The following GTF2A1 variants were observed in gnomAD, a reference collection of about 807,000 sequenced individuals.
The protein encoded by GTF2A1 is transcription initiation factor IIA subunit 1.
A neutral mutation model predicts 54.1 loss-of-function variants in GTF2A1; 12 were observed. That is an observed-to-expected ratio of 0.22 (90% CI 0.14 to 0.36). The LOEUF (loss-of-function observed/expected upper bound fraction) is 0.36. Ranked by LOEUF, GTF2A1 falls within the 10% of genes least tolerant of loss-of-function variation. GTF2A1 has a pLI of 1.00. For missense variants in GTF2A1, 335 were observed against 442.2 expected, an observed-to-expected ratio of 0.76 and a Z score of 2.17; for synonymous variants, 145 against 152.0, an observed-to-expected ratio of 0.95 and a Z score of 0.34.
intron 5 of GTF2A1, 132 bp from the exon 6 acceptor site, chr14:81,196,373 T>C (rs750029500): frequency 2.3e-6 from 2 of 886,928 alleles, no homozygotes; most frequent in Non-Finnish European, 3.5e-6. Context: ...TTATTAAAGG[T>C]TGTCATTCAT....
At chr14:81,180,982 T>G (rs1423456442) in intron 8 of GTF2A1, among the ~76,000 whole-genome samples, 3 of 152,218 alleles carry the variant, frequency 2.0e-5, no homozygotes, top group Non-Finnish European at 1.5e-5. Context: ...AAACTCCTTA[T>G]AGAGTTCTCA....
rs1413988056 is a variant in GTF2A1, at chr14:81,178,890, C to T, written c.*1333G>A. On this transcript the variant is annotated 3_prime_UTR_variant, in exon 9 of 9. Transcript: ENST00000553612. ...GCAGTTCTCCCAGGCAGTGAATTCA[C>T]ACTGAACACAGCAGTGCCATATTGT... 3 of 152,238 alleles carry T rather than the reference C, an allele frequency of 2.0e-5. 1 individual carries two copies. The East Asian group carries it at 5.8e-4, about 29-fold the overall frequency. The allele number at this position is 152,238 out of a possible 1,614,324, so 9.4% of individuals were successfully genotyped here. A position where few individuals can be genotyped will look rare whatever the true frequency, so the allele number is the denominator to read the frequency against.
intron 2 of GTF2A1, among the ~76,000 whole-genome samples, chr14:81,208,181 CA>C (rs746911641): frequency 5.9e-5 from 9 of 152,162 alleles, no homozygotes; most frequent in Non-Finnish European, 8.8e-5. Flanking sequence ...AAAGTGGTTT[CA>C]GGGGCCAGGC....
intron 2 of GTF2A1, among the ~76,000 whole-genome samples, chr14:81,207,383 C>A (rs188231166): frequency 1.9e-4 from 29 of 152,088 alleles, no homozygotes; most frequent in African/African-American, 5.3e-4. Flanking sequence ...GCTGCCAACA[C>A]GTAAGAAGAG....
chr14:81,205,919 T>A (rs1893219147), intron 2 of GTF2A1, among the ~76,000 whole-genome samples: 1 of 152,194 alleles, frequency 6.6e-6, no homozygotes, highest in African/African-American at 2.4e-5. Context: ...ACTAATGTAT[T>A]ATATATAGTA....
intron 2 of GTF2A1, among the ~76,000 whole-genome samples, chr14:81,213,262 G>A (rs1266271131): frequency 6.6e-6 from 1 of 152,086 alleles, no homozygotes; most frequent in East Asian, 1.9e-4. Flanking sequence ...CTAAAAATCA[G>A]TGTGTTACCT....
At chr14:81,195,946 T>G (rs1258457601) in intron 6 of GTF2A1, among the ~76,000 whole-genome samples, 162 bp downstream of exon 6, 3 of 152,304 alleles carry the variant, frequency 2.0e-5, no homozygotes, top group South Asian at 2.1e-4. Context: ...GTTTAATACA[T>G]GCTGAATCTA....
At chr14:81,200,692 T>C (rs907989586) in intron 4 of GTF2A1, among the ~76,000 whole-genome samples, 2 of 151,684 alleles carry the variant, frequency 1.3e-5, no homozygotes, top group African/African-American at 4.8e-5. Context: ...ACTAGTTACA[T>C]AGGTTAAAAG....
At chr14:81,199,691 A>G (rs1893062417) in intron 4 of GTF2A1, among the ~76,000 whole-genome samples, 1 of 152,190 alleles carries the variant, frequency 6.6e-6, no homozygotes, top group South Asian at 2.1e-4. Context: ...TTTCCTGAGT[A>G]ACTGACCTAT....
Position 81,177,397 on chromosome 14 carries a change from A to G in GTF2A1, c.*2826T>C, listed in dbSNP as rs1892551720. 1 of 152,170 alleles carries G rather than the reference A, an allele frequency of 6.6e-6. No individual in the cohort carries two copies. The highest frequency in any genetic ancestry group is 6.5e-5 in the Admixed American group (1 of 15,288). 9.4% of individuals were successfully genotyped at this position (152,170 alleles called of 1,614,324 possible). ...TTGTTTTAGCCATATGTGGCACTCC[A>G]CAGAAATTAAACATGCTCTCAGGCA... On this transcript the variant is annotated 3_prime_UTR_variant, in exon 9 of 9. Transcript: ENST00000553612.
chr14:81,216,470 C>T lies in GTF2A1; in HGVS notation c.75G>A (p.Val25=). ...CTCCATCATCCAGAAAGATGTCTCT[C>T]ACATCATTAATGACATCTTCAATCA... is the stretch of plus-strand genomic sequence containing the variant. ...RSVIEDVIND[V]RDIFLDDGVD... is the part of the protein sequence containing the mutation. Residue 25 remains valine (V), a synonymous_variant, in exon 2 of 9, where the codon GTG becomes GTA. Transcript: ENST00000553612. 6.5e-7 allele frequency: 1 copy of T among 1,544,240 alleles called. No individual in the cohort carries two copies. The highest frequency in any genetic ancestry group is 9.0e-7 in the Non-Finnish European group (1 of 1,116,788).
At chr14:81,219,212 G>C (rs573385626) in intron 1 of GTF2A1, among the ~76,000 whole-genome samples, 20 of 152,276 alleles carry the variant, frequency 1.3e-4, no homozygotes, top group African/African-American at 4.6e-4. Context: ...CTGCTGCTGG[G>C]AACAAAACCA....
chr14:81,192,133 C>T (rs1892888228), intron 7 of GTF2A1, among the ~76,000 whole-genome samples: 1 of 152,028 alleles, frequency 6.6e-6, no homozygotes, highest in Non-Finnish European at 1.5e-5. Flanking sequence ...TGCTCTCTCC[C>T]CAAATGTTGC....
At chr14:81,186,367 A>T (rs1892745411) in intron 7 of GTF2A1, among the ~76,000 whole-genome samples, 1 of 152,206 alleles carries the variant, frequency 6.6e-6, no homozygotes, top group Non-Finnish European at 1.5e-5. Context: ...TCTTTACATT[A>T]AAGAACTTGG....
chr14:81,216,655 C>T (rs1292342512), intron 1 of GTF2A1, 141 bp from the exon 2 acceptor site: 1 of 526,290 alleles, frequency 1.9e-6, no homozygotes. Context: ...CCATCATTTG[C>T]CATAAACTGG....
intron 8 of GTF2A1, among the ~76,000 whole-genome samples, chr14:81,180,642 C>A (rs1441534548): frequency 6.6e-6 from 1 of 151,942 alleles, no homozygotes; most frequent in Non-Finnish European, 1.5e-5. Flanking sequence ...CCAAAAAGAA[C>A]AACAACAACA....
intron 7 of GTF2A1, among the ~76,000 whole-genome samples, chr14:81,187,444 A>T (rs756100452): frequency 2.6e-5 from 4 of 152,178 alleles, no homozygotes; most frequent in Non-Finnish European, 5.9e-5. Context: ...AGGTGCAATG[A>T]ACATTTACAG....
intron 1 of GTF2A1, 146 bp from the exon 2 acceptor site, chr14:81,216,660 A>T: frequency 1.9e-6 from 1 of 532,536 alleles, no homozygotes; most frequent in South Asian, 2.7e-5. Flanking sequence ...ATTTGCCATA[A>T]ACTGGATTTG....
intron 7 of GTF2A1, among the ~76,000 whole-genome samples, chr14:81,190,542 T>G (rs923920274): frequency 2.0e-5 from 3 of 152,072 alleles, no homozygotes; most frequent in African/African-American, 7.2e-5. Flanking sequence ...TAACATTACG[T>G]GAGAAATTAT....
Sources: allele counts gnomAD v4.1 joint callset (sites outside exome capture counted in the v4.1 genomes callset), GRCh38; gene constraint gnomAD v4.1.1; transcripts MANE v1.5; gene names NCBI Gene and HGNC (gene_info 2026-07-23, HGNC 2026-07-21).